ROBO2: variants seen among roughly 807,000 people sequenced by gnomAD.
ROBO2 encodes roundabout guidance receptor 2.
A neutral mutation model predicts 160.8 loss-of-function variants in ROBO2; 53 were observed. The observed-to-expected ratio is 0.33, with a 90% CI of 0.26 to 0.41. The LOEUF is 0.41. Ranked by LOEUF, ROBO2 falls within the 10% of genes least tolerant of loss-of-function variation. The probability of loss-of-function intolerance (pLI) is 1.00; values close to 1 mark genes in which losing one functional copy is unlikely to be tolerated. For missense variants in ROBO2, 1,577 were observed against 1,722.4 expected, an observed-to-expected ratio of 0.92 and a Z score of 1.49; for synonymous variants, 664 against 611.7, an observed-to-expected ratio of 1.09 and a Z score of -1.26.
chr3:76,719,058 A>G (rs1233501913), intron 2 of ROBO2, among the ~76,000 whole-genome samples: 1 of 152,122 alleles, frequency 6.6e-6, no homozygotes, highest in Non-Finnish European at 1.5e-5. Flanking sequence ...CATTCCCTAC[A>G]TGTAGCACCA....
At chr3:75,947,051 G>T (rs111794096) in intron 2 of ROBO2, among the ~76,000 whole-genome samples, 1 of 152,040 alleles carries the variant, frequency 6.6e-6, no homozygotes, top group Non-Finnish European at 1.5e-5. Flanking sequence ...TGATTTGAAG[G>T]TGATTGAATT....
chr3:76,830,752 G>A (rs2067011366), intron 2 of ROBO2, among the ~76,000 whole-genome samples: 2 of 145,200 alleles, frequency 1.4e-5, no homozygotes, highest in South Asian at 2.2e-4. Flanking sequence ...TGAGGCAGAA[G>A]AATCGCTTGA....
At chr3:77,056,173 A>G (rs1180514175) in intron 1 of ROBO2, among the ~76,000 whole-genome samples, 2 of 152,196 alleles carry the variant, frequency 1.3e-5, no homozygotes, top group African/African-American at 2.4e-5. Flanking sequence ...CGAGGAAGGG[A>G]TGATGACTAC....
chr3:76,343,764 T>C (rs2074369106), intron 2 of ROBO2, among the ~76,000 whole-genome samples: 1 of 152,054 alleles, frequency 6.6e-6, no homozygotes, highest in Admixed American at 6.6e-5. Context: ...AGCAGTATAG[T>C]AGAAAATCTG....
At chr3:77,546,303 G>T in intron 6 of ROBO2, 35 bp from the exon 8 acceptor site, 2 of 1,610,376 alleles carry the variant, frequency 1.2e-6, no homozygotes, top group South Asian at 1.1e-5. Context: ...GTCTATGGTT[G>T]ATATTTACAC....
At chr3:76,302,897 G>T (rs1559735256) in intron 2 of ROBO2, among the ~76,000 whole-genome samples, 1 of 152,024 alleles carries the variant, frequency 6.6e-6, no homozygotes. Context: ...TAGTGACTGT[G>T]CTATTTAGAC....
At chr3:76,269,630 T>C (rs998752405) in intron 2 of ROBO2, among the ~76,000 whole-genome samples, 4 of 151,584 alleles carry the variant, frequency 2.6e-5, no homozygotes, top group African/African-American at 4.8e-5. Flanking sequence ...AGTAAATCCA[T>C]TATTTCAACA....
chr3:77,112,543 C>T (rs184208119), intron 2 of ROBO2, among the ~76,000 whole-genome samples: 1 of 151,798 alleles, frequency 6.6e-6, no homozygotes, highest in Admixed American at 6.6e-5. Flanking sequence ...CGCGCCCTGC[C>T]GAGAAAGATC....
At position 77,238,848 on chromosome 3, in the gene ROBO2, T is replaced by C. The variant is rs575791669; in HGVS notation, c.388+140508T>C. ...ATCATAGTGACGTAGATGTTTACAC[T>C]GGAGCAATTCTGTTTTCTCCTCTAC... On this transcript the variant is annotated intron_variant, in intron 2 of 25. Transcript: ENST00000461745. Among the ~76,000 whole-genome samples the C allele has an allele frequency of 2.6e-5, 4 of 152,308 alleles. No individual in the cohort carries two copies. In the South Asian group the frequency reaches 8.3e-4, roughly 32 times the overall value.
At chr3:76,076,009 A>G (rs1325704184) in intron 2 of ROBO2, among the ~76,000 whole-genome samples, 1 of 152,234 alleles carries the variant, frequency 6.6e-6, no homozygotes, top group Non-Finnish European at 1.5e-5. Flanking sequence ...ATTTTAGCAA[A>G]TAGCTCAATG....
intron 2 of ROBO2, among the ~76,000 whole-genome samples, chr3:76,666,115 A>T (rs2092036769): frequency 6.7e-6 from 1 of 150,046 alleles, no homozygotes; most frequent in Non-Finnish European, 1.5e-5. Context: ...CTATAGCTGT[A>T]AATATAGCTA....
chr3:77,495,898 C>T (rs1027583453), intron 5 of ROBO2, among the ~76,000 whole-genome samples: 4 of 152,130 alleles, frequency 2.6e-5, no homozygotes, highest in Admixed American at 6.6e-5. Flanking sequence ...TGAATTGAGC[C>T]TAGTTTGATT....
intron 21 of ROBO2, among the ~76,000 whole-genome samples, chr3:77,612,895 G>A (rs1447339024): frequency 6.6e-6 from 1 of 152,116 alleles, no homozygotes; most frequent in Non-Finnish European, 1.5e-5. Context: ...GGAGCTTGCA[G>A]TGAGCCGAGA....
intron 2 of ROBO2, among the ~76,000 whole-genome samples, chr3:77,224,875 G>A (rs548260081): frequency 8.0e-5 from 12 of 150,734 alleles, no homozygotes; most frequent in Non-Finnish European, 1.5e-4. Context: ...GCTGATAGTG[G>A]ATGATAAGAC....
At chr3:76,552,663 T>G (rs1451720616) in intron 2 of ROBO2, among the ~76,000 whole-genome samples, 1 of 152,212 alleles carries the variant, frequency 6.6e-6, no homozygotes, top group Non-Finnish European at 1.5e-5. Flanking sequence ...GTGTGGAAAC[T>G]ATGGCAAACA....
At chr3:77,120,428 C>T (rs1002369354) in intron 2 of ROBO2, among the ~76,000 whole-genome samples, 1 of 152,150 alleles carries the variant, frequency 6.6e-6, no homozygotes, top group Non-Finnish European at 1.5e-5. Context: ...TTGATTCATA[C>T]TATAATTTAC....
intron 2 of ROBO2, among the ~76,000 whole-genome samples, chr3:77,192,578 G>A (rs1336620634): frequency 6.6e-6 from 1 of 151,246 alleles, no homozygotes; most frequent in East Asian, 1.9e-4. Flanking sequence ...GATATCAAAT[G>A]TGGGGCTCTA....
At position 75,911,410 on chromosome 3, in the gene ROBO2, T is replaced by A. The variant is rs189651137; in HGVS notation, c.-14+4450T>A. 5.3e-5 allele frequency among the ~76,000 whole-genome samples: 8 copies of A among 152,294 alleles called. No individual in the cohort carries two copies. The East Asian group carries it at 1.2e-3, about 22-fold the overall frequency. On this transcript the variant is annotated intron_variant, in intron 1 of 26. Transcript: ENST00000487694. ...GAGACTAAGAGCATGTAACTCAAAA[T>A]TCTTTGTTAATGATTTGCTTCTTAG...
intron 2 of ROBO2, among the ~76,000 whole-genome samples, chr3:76,835,820 T>C (rs2067642920): frequency 6.6e-6 from 1 of 152,022 alleles, no homozygotes; most frequent in Non-Finnish European, 1.5e-5. Context: ...AAATTACGTT[T>C]CACCTGGATT....
Sources: gnomAD v4.1 joint callset for allele counts (sites outside exome capture counted in the v4.1 genomes callset) on GRCh38, gnomAD v4.1.1 for gene constraint, MANE v1.5 for transcripts, NCBI Gene and HGNC (gene_info 2026-07-23, HGNC 2026-07-21) for gene names.